GRK6: variants seen among roughly 807,000 people sequenced by gnomAD.
GRK6 encodes the protein G protein-coupled receptor kinase 6.
Under a neutral mutation model 80.8 loss-of-function variants are expected in GRK6, and 37 were observed. The ratio of observed to expected loss-of-function variants is 0.46; its 90% CI spans 0.35 to 0.60. The LOEUF (loss-of-function observed/expected upper bound fraction) is 0.60, where lower values mean the gene tolerates loss of function less well. Ranked by LOEUF, GRK6 falls within the 20% of genes least tolerant of loss-of-function variation. The pLI, the probability that GRK6 is intolerant of heterozygous loss-of-function variation, is 0.00. For synonymous variants in GRK6, 295 were observed against 320.9 expected, an observed-to-expected ratio of 0.92 and a Z score of 0.86; for missense variants, 560 against 784.6, an observed-to-expected ratio of 0.71 and a Z score of 3.42.
chr5:177,433,886 C>T, intron 8 of GRK6, 28 bp from the exon 9 acceptor site: 2 of 1,537,864 alleles, frequency 1.3e-6, no homozygotes, highest in Non-Finnish European at 1.8e-6. Flanking sequence ...CAGCTCCTGC[C>T]TGAGGGCTCG....
At chr5:177,433,487 C>T (rs1296390920) in intron 7 of GRK6, 49 bp from the exon 8 acceptor site, 3 of 1,612,342 alleles carry the variant, frequency 1.9e-6, no homozygotes, top group African/African-American at 1.3e-5. Context: ...CCTGGATGCC[C>T]AGCAATGGCA....
At chr5:177,436,340 C>T (rs1452793417) in intron 12 of GRK6, 53 bp from the exon 13 acceptor site, 2 of 1,595,274 alleles carry the variant, frequency 1.3e-6, no homozygotes, top group Non-Finnish European at 8.6e-7. Flanking sequence ...CCTTTCCCTC[C>T]CTCCCACCCA....
intron 2 of GRK6, chr5:177,431,571 C>T (rs114410059): frequency 0.019 from 4,782 of 249,226 alleles, 78 homozygotes; most frequent in Middle Eastern, 0.032. Context: ...GGAAGGAGGC[C>T]CAGCTGAGAG....
intron 12 of GRK6, 53 bp downstream of exon 12, chr5:177,436,334 T>TTCCCCCCCC: frequency 6.4e-7 from 1 of 1,556,036 alleles, no homozygotes; most frequent in Non-Finnish European, 8.8e-7. Flanking sequence ...GATGCACCTT[T>TTCCCCCCCC]CCCTCCCTCC....
intron 2 of GRK6, chr5:177,431,657 G>C (rs1308173461): frequency 6.4e-6 from 2 of 314,212 alleles, no homozygotes; most frequent in Non-Finnish European, 1.2e-5. Flanking sequence ...CGGCTGGGCT[G>C]GGCCGGAACC....
intron 11 of GRK6, 129 bp from the exon 12 acceptor site, chr5:177,435,944 A>C (rs1764125003): frequency 1.4e-6 from 1 of 739,996 alleles, no homozygotes; most frequent in Admixed American, 2.3e-5. Context: ...GTGCTCTCCT[A>C]CTGGCCAAGG....
chr5:177,436,587 G>A (rs1359335404), intron 13 of GRK6, 57 bp downstream of exon 13: 6 of 1,480,800 alleles, frequency 4.1e-6, no homozygotes, highest in Non-Finnish European at 3.6e-6. Flanking sequence ...GGGCTCAGGG[G>A]CTCTTGTAGT....
chr5:177,430,853 T>G lies in GRK6; in HGVS notation c.53-19T>G. The G allele has an allele frequency of 6.2e-7, 1 of 1,611,456 alleles. No homozygotes were observed. The highest frequency in any genetic ancestry group is 8.5e-7 in the Non-Finnish European group (1 of 1,177,762). ...TGAGGCAGTGGGACTCGAGACCCAGTGTCCTATTGCTCCCACAGGTGGCGG... is the reference window on the plus strand; with the variant it reads ...TGAGGCAGTGGGACTCGAGACCCAGGGTCCTATTGCTCCCACAGGTGGCGG... On this transcript the variant is annotated intron_variant, in intron 1 of 15. Coordinates refer to ENST00000355472, the MANE Select transcript of GRK6 (RefSeq NM_001004106.3).
chr5:177,434,955 T>C lies in GRK6; in HGVS notation c.967+16T>C. ...GATGACCACGGTGTGTAAGGGTGCCTGGGGTGGGTCAGGGTGGGGTGAGAT... is the reference window on the plus strand; with the variant it reads ...GATGACCACGGTGTGTAAGGGTGCCCGGGGTGGGTCAGGGTGGGGTGAGAT... On this transcript the variant is annotated intron_variant, in intron 10 of 15. Transcript: ENST00000355472. 1 of 1,067,732 alleles carries C rather than the reference T, an allele frequency of 9.4e-7. No individual in the cohort carries two copies. Among genetic ancestry groups the C allele is most frequent in the African/African-American group, 1.6e-5 (1 of 61,976 alleles). The allele number at this position is 1,067,732 out of a possible 1,614,324, so 66.1% of individuals were successfully genotyped here.
At chr5:177,435,493 C>T (rs762857315) in intron 11 of GRK6, among the ~76,000 whole-genome samples, 1 of 152,196 alleles carries the variant, frequency 6.6e-6, no homozygotes, top group South Asian at 2.1e-4. Flanking sequence ...ACCTGGAGAC[C>T]GAGAGACGCA....
chr5:177,428,784 G>A lies in GRK6; in HGVS notation c.52+1887G>A, dbSNP rs1026912239. Among the ~76,000 whole-genome samples, 2 of 152,078 alleles carry A rather than the reference G, an allele frequency of 1.3e-5. No individual in the cohort carries two copies. Among genetic ancestry groups the A allele is most frequent in the African/African-American group, 2.4e-5 (1 of 41,392 alleles). On this transcript the variant is annotated intron_variant, in intron 1 of 15. Coordinates refer to ENST00000355472, the MANE Select transcript of GRK6 (RefSeq NM_001004106.3). The surrounding 1 kb of genome is among the most constrained non-coding windows in gnomAD (Gnocchi z 4.1). ...AGTACCCCTTTTTGTGGAACGGTTG[G>A]GGGTGGGACATAAAGACTAAAGGAA... is the stretch of plus-strand genomic sequence containing the variant.
At position 177,434,899 on chromosome 5, in the gene GRK6, C is replaced by A; in HGVS notation, c.930-3C>A. 6.2e-7 allele frequency: 1 copy of A among 1,613,770 alleles called. No homozygotes were observed. The highest frequency in any genetic ancestry group is 8.5e-7 in the Non-Finnish European group (1 of 1,180,016). On this transcript the variant is annotated splice_polypyrimidine_tract_variant and splice_region_variant and intron_variant, in intron 9 of 15. Coordinates refer to ENST00000355472, the MANE Select transcript of GRK6 (RefSeq NM_001004106.3). ...ATCTGACCCTGCTCTTCTCTCTGCA[C>A]AGGGACCTGAAGCCCGAGAACATCT...
rs544439955 is a variant in GRK6, at chr5:177,431,473, GC to G, written c.148+510del. The stretch of plus-strand genomic sequence containing the variant: ...CCAGTTCCTGCCAATCTTGGCCAAG[GC>G]CCCAGGTCTGAGCAGCACCCAAGGT... On this transcript the variant is annotated intron_variant, in intron 2 of 15. Coordinates refer to ENST00000355472, the MANE Select transcript of GRK6 (RefSeq NM_001004106.3). Among the ~76,000 whole-genome samples, 382 of 152,348 alleles carry G rather than the reference GC, an allele frequency of 2.5e-3. 2 individuals carry two copies. Among genetic ancestry groups the G allele is most frequent in the Non-Finnish European group, 4.5e-3 (304 of 68,018 alleles).
Position 177,441,044 on chromosome 5 carries a change from C to G in GRK6, c.1668C>G (p.Phe556Leu). 6.2e-7 allele frequency: 1 copy of G among 1,613,840 alleles called. No individual in the cohort carries two copies. Among genetic ancestry groups the G allele is most frequent in the Non-Finnish European group, 8.5e-7 (1 of 1,179,894 alleles). ...PPKKGLLQRL[F>L]SRQDCCGNCS... is the part of the protein sequence containing the mutation. ...AAAAGGGACTGCTGCAGAGACTCTT[C>G]AGTCGCCAAGTAAGCCCCAGCAGCG... Residue 556 changes from phenylalanine (F) to leucine (L), a missense_variant, in exon 15 of 16, where the codon TTC (phenylalanine) becomes TTG (leucine). Coordinates refer to ENST00000355472, the MANE Select transcript of GRK6 (RefSeq NM_001004106.3).
At chr5:177,432,443 G>A (rs1425801365) in intron 4 of GRK6, 133 bp downstream of exon 4, 7 of 954,100 alleles carry the variant, frequency 7.3e-6, no homozygotes, top group Non-Finnish European at 9.7e-6. Context: ...TGGACAGAGA[G>A]TGCCCTGGAG....
At position 177,441,821 on chromosome 5, in the gene GRK6, G is replaced by A; in HGVS notation, c.*31G>A. The A allele has an allele frequency of 6.3e-7, 1 of 1,598,990 alleles. No individual in the cohort carries two copies. Among genetic ancestry groups the A allele is most frequent in the Non-Finnish European group, 8.6e-7 (1 of 1,167,106 alleles). ...AGCCCGAGGCCCCCACCAGCAGTTG[G>A]CGGTAGCAGCTACTCCGAGCGCCGT... is the stretch of plus-strand genomic sequence containing the variant. On this transcript the variant is annotated 3_prime_UTR_variant, in exon 16 of 16. Coordinates refer to ENST00000355472, the MANE Select transcript of GRK6 (RefSeq NM_001004106.3).
Position 177,434,098 on chromosome 5 carries a change from T to C in GRK6, c.923T>C (p.Val308Ala), listed in dbSNP as rs1764032867. The change falls in exon 9 of 16, where the codon GTG (valine) becomes GCG (alanine). Residue 308 changes from valine to alanine, a missense_variant. Val to Ala is a moderately conservative substitution (Grantham distance 64). Around this residue, in one of 3 missense-constraint regions of GRK6, gnomAD observed 294 missense variants for 397.4 expected, o/e 0.74. Transcript: ENST00000355472. ...GAGGACCTGCACCGGGAGCGCATCG[T>C]GTACAGGTGGGGAGGGCTCGGCCAC... is the stretch of plus-strand genomic sequence containing the variant. ...GLEDLHRERI[V>A]YRDLKPENIL... 6.3e-7 allele frequency: 1 copy of C among 1,577,692 alleles called. No homozygotes were observed. Among genetic ancestry groups the C allele is most frequent in the Non-Finnish European group, 8.6e-7 (1 of 1,162,288 alleles).
At chr5:177,433,309 T>G in intron 6 of GRK6, 38 bp from the exon 7 acceptor site, 1 of 1,613,926 alleles carries the variant, frequency 6.2e-7, no homozygotes, top group African/African-American at 1.3e-5. Context: ...TGGGCTCTCC[T>G]GCTCAGCCAG....
intron 1 of GRK6, 58 bp downstream of exon 1, chr5:177,426,955 C>T: frequency 8.6e-7 from 1 of 1,164,714 alleles, no homozygotes; most frequent in Non-Finnish European, 1.1e-6. Context: ...TGCGCTGCGT[C>T]TGAGCTCCGC....
Sources: gnomAD v4.1 joint callset for allele counts (sites outside exome capture counted in the v4.1 genomes callset) on GRCh38, gnomAD v4.1.1 for gene constraint, gnomAD v4.1.1 regional missense constraint, Gnocchi (gnomAD v3.1) non-coding constraint, MANE v1.5 for transcripts, NCBI Gene and HGNC (gene_info 2026-07-23, HGNC 2026-07-21) for gene names.